The following SPINK4 variants were observed in gnomAD, a reference collection of about 807,000 sequenced individuals.
SPINK4 encodes the protein serine protease inhibitor Kazal-type 4.
A neutral mutation model predicts 12.3 loss-of-function variants in SPINK4; 10 were observed. That is an observed-to-expected ratio of 0.81 (90% CI 0.50 to 1.37). The LOEUF is 1.37. Ranked by LOEUF, SPINK4 falls within the 40% of genes most tolerant of loss-of-function variation. The pLI is 0.00. For missense variants in SPINK4, 91 were observed against 109.0 expected (o/e 0.84, Z 0.73); for synonymous variants, 37 against 40.2 (o/e 0.92, Z 0.30).
intron 1 of SPINK4, among the ~76,000 whole-genome samples, chr9:33,242,543 A>C (rs1820247606): frequency 6.6e-6 from 1 of 152,044 alleles, no homozygotes; most frequent in Admixed American, 6.5e-5. Context: ...CCCAAGAAGC[A>C]AGTTTAGGGT....
Position 33,243,340 on chromosome 9 carries a change from T to C in SPINK4, c.62-1772T>C, listed in dbSNP as rs566660591. Among the ~76,000 whole-genome samples the C allele has an allele frequency of 1.1e-4, 16 of 152,282 alleles. No homozygotes were observed. The East Asian group carries it at 3.1e-3, about 29-fold the overall frequency. ...CACCTGCCTCAGCTTCCCAAAGCGCTGGGATTACAGGTGTGTGCTACTGCA... is the reference window on the plus strand; with the variant it reads ...CACCTGCCTCAGCTTCCCAAAGCGCCGGGATTACAGGTGTGTGCTACTGCA... On this transcript the variant is annotated intron_variant, in intron 1 of 3. Coordinates refer to ENST00000379721, the MANE Select transcript of SPINK4 (RefSeq NM_014471.3).
chr9:33,246,493 C>A, intron 2 of SPINK4, 123 bp from the exon 3 acceptor site: 1 of 738,578 alleles, frequency 1.4e-6, no homozygotes, highest in Non-Finnish European at 2.4e-6. Context: ...TCACTGGACC[C>A]ACACTGGGGG....
intron 1 of SPINK4, among the ~76,000 whole-genome samples, chr9:33,243,346 T>C (rs1023999302): frequency 5.3e-5 from 8 of 152,152 alleles, no homozygotes; most frequent in Non-Finnish European, 8.8e-5. Context: ...GCGCTGGGAT[T>C]ACAGGTGTGT....
chr9:33,243,007 C>G (rs904709036), intron 1 of SPINK4, among the ~76,000 whole-genome samples: 1 of 151,956 alleles, frequency 6.6e-6, no homozygotes, highest in Non-Finnish European at 1.5e-5. Flanking sequence ...TCACAAGTAG[C>G]TGGGACTACA....
At chr9:33,245,804 T>A in intron 2 of SPINK4, among the ~76,000 whole-genome samples, 1 of 152,234 alleles carries the variant, frequency 6.6e-6, no homozygotes, top group East Asian at 1.9e-4. Flanking sequence ...CCAAATAGTT[T>A]ACATACATTA....
chr9:33,245,551 C>T (rs1820276954), intron 2 of SPINK4, among the ~76,000 whole-genome samples: 1 of 152,174 alleles, frequency 6.6e-6, no homozygotes, highest in Admixed American at 6.5e-5. Flanking sequence ...GCCAGCCTCC[C>T]ACCACCACAT....
At chr9:33,246,043 G>T (rs1408600033) in intron 2 of SPINK4, among the ~76,000 whole-genome samples, 1 of 152,130 alleles carries the variant, frequency 6.6e-6, no homozygotes, top group African/African-American at 2.4e-5. Context: ...TTGACCTCAG[G>T]CCTGTCCTAA....
chr9:33,247,186 A>T, intron 3 of SPINK4, among the ~76,000 whole-genome samples: 1 of 143,026 alleles, frequency 7.0e-6, no homozygotes, highest in African/African-American at 2.6e-5. Flanking sequence ...TTTGAGACAG[A>T]CTCTCACTGT....
chr9:33,241,417 C>T (rs1418681235), intron 1 of SPINK4, among the ~76,000 whole-genome samples: 1 of 152,114 alleles, frequency 6.6e-6, no homozygotes, highest in Non-Finnish European at 1.5e-5. Context: ...AACAGGGAAG[C>T]GGGGAGACCA....
Position 33,248,419 on chromosome 9 carries a change from A to G in SPINK4, c.216-7A>G, listed in dbSNP as rs1820307045. The G allele has an allele frequency of 1.6e-5, 26 of 1,613,992 alleles. No individual in the cohort carries two copies. Among genetic ancestry groups the G allele is most frequent in the Non-Finnish European group, 2.0e-5 (24 of 1,179,986 alleles). ...GGTAGCCTCATGCCTGTCTTCTTTG[A>G]TCCTAGAAAAACCAAACAGGACATC... On this transcript the variant is annotated splice_polypyrimidine_tract_variant and splice_region_variant and intron_variant, in intron 3 of 3. Coordinates refer to ENST00000379721, the MANE Select transcript of SPINK4 (RefSeq NM_014471.3).
chr9:33,243,789 T>C (rs1242590828), intron 1 of SPINK4, among the ~76,000 whole-genome samples: 1 of 152,268 alleles, frequency 6.6e-6, no homozygotes, highest in Non-Finnish European at 1.5e-5. Flanking sequence ...AAACAGCACA[T>C]TGGGGTGACT....
chr9:33,244,194 A>C (rs769149259), intron 1 of SPINK4, among the ~76,000 whole-genome samples: 3 of 152,112 alleles, frequency 2.0e-5, no homozygotes, highest in Non-Finnish European at 4.4e-5. Flanking sequence ...GTCACATCAC[A>C]GTTTGCTCAT....
intron 2 of SPINK4, among the ~76,000 whole-genome samples, chr9:33,246,147 A>C (rs542783542): frequency 6.6e-6 from 1 of 152,262 alleles, no homozygotes; most frequent in South Asian, 2.1e-4. Flanking sequence ...GGCCTGATAG[A>C]TCATGCAGGC....
At position 33,248,164 on chromosome 9, in the gene SPINK4, G is replaced by C. The variant is rs561396802; in HGVS notation, c.216-262G>C. On this transcript the variant is annotated intron_variant, in intron 3 of 3. Coordinates refer to ENST00000379721, the MANE Select transcript of SPINK4 (RefSeq NM_014471.3). ...GCATGAACAGGTAGGACATAGGTCC[G>C]AGCTGGAGACAGATTTGGCAGCCAT... is the stretch of plus-strand genomic sequence containing the variant. The C allele has an allele frequency of 6.0e-5, 31 of 514,840 alleles. 1 individual carries two copies. In the East Asian group the frequency reaches 9.2e-4, roughly 15 times the overall value. 31.9% of individuals were successfully genotyped at this position (514,840 alleles called of 1,614,324 possible). A position where few individuals can be genotyped will look rare whatever the true frequency, so the allele number is the denominator to read the frequency against.
chr9:33,242,262 G>T (rs1295428155), intron 1 of SPINK4, among the ~76,000 whole-genome samples: 3 of 152,206 alleles, frequency 2.0e-5, no homozygotes, highest in African/African-American at 7.2e-5. Flanking sequence ...AGGTGCATAG[G>T]GAGGCGGGGT....
intron 1 of SPINK4, among the ~76,000 whole-genome samples, chr9:33,243,231 G>A (rs756385630): frequency 9.9e-5 from 15 of 151,794 alleles, no homozygotes; most frequent in Non-Finnish European, 1.6e-4. Context: ...GCACCACCAC[G>A]CCCAGCAAAT....
chr9:33,243,476 A>AT lies in SPINK4; in HGVS notation c.62-1629dup, dbSNP rs374221313. Among the ~76,000 whole-genome samples the AT allele has an allele frequency of 1.7e-4, 26 of 152,142 alleles. 1 individual carries two copies. Among genetic ancestry groups the AT allele is most frequent in the African/African-American group, 6.0e-4 (25 of 41,518 alleles). On this transcript the variant is annotated intron_variant, in intron 1 of 3. Transcript: ENST00000379721. ...CCTCCTGCCCCAGCTTCCCAATGTG[A>AT]TTTTTTTCCATCATAGATTAGTTGG... is the stretch of plus-strand genomic sequence containing the variant.
chr9:33,246,160 G>A (rs143578786), intron 2 of SPINK4, among the ~76,000 whole-genome samples: 3 of 152,272 alleles, frequency 2.0e-5, no homozygotes, highest in African/African-American at 7.2e-5. Flanking sequence ...ATGCAGGCCA[G>A]GGAGAGTTCA....
intron 2 of SPINK4, among the ~76,000 whole-genome samples, chr9:33,245,382 C>G (rs1376644718): frequency 6.6e-6 from 1 of 152,192 alleles, no homozygotes; most frequent in African/African-American, 2.4e-5. Context: ...CTTATGATGT[C>G]CCCCACCTGG....
Sources: gnomAD v4.1 joint callset for allele counts (sites outside exome capture counted in the v4.1 genomes callset) on GRCh38, gnomAD v4.1.1 for gene constraint, MANE v1.5 for transcripts, NCBI Gene and HGNC (gene_info 2026-07-23, HGNC 2026-07-21) for gene names.